The following NREP variants were observed in gnomAD, a reference collection of about 807,000 sequenced individuals.
The protein encoded by NREP is neuronal regeneration-related protein.
Under a neutral mutation model 8.6 loss-of-function variants are expected in NREP, and 5 were observed. The ratio of observed to expected loss-of-function variants is 0.58; its 90% CI spans 0.30 to 1.22. The LOEUF (loss-of-function observed/expected upper bound fraction) is 1.22. Among genes scored for constraint, NREP ranks in the 50% most tolerant of loss-of-function variants. The pLI is 0.07. For missense variants in NREP, 86 were observed against 82.5 expected, an observed-to-expected ratio of 1.04 and a Z score of -0.17; for synonymous variants, 27 against 28.0, an observed-to-expected ratio of 0.96 and a Z score of 0.11.
At chr5:111,905,120 T>G (rs1754748060) in intron 2 of NREP, among the ~76,000 whole-genome samples, 1 of 152,156 alleles carries the variant, frequency 6.6e-6, no homozygotes, top group East Asian at 1.9e-4. Context: ...TTATTTCTCC[T>G]ATATGCCTTT....
At chr5:111,755,913 C>A (rs1045752142) in intron 1 of NREP, 83 bp from the exon 2 acceptor site, 2 of 1,565,674 alleles carry the variant, frequency 1.3e-6, no homozygotes, top group African/African-American at 1.4e-5. Context: ...AGGTTACAGA[C>A]GAATAACCAT....
At chr5:111,943,738 G>A (rs1411243410) in intron 2 of NREP, among the ~76,000 whole-genome samples, 1 of 152,044 alleles carries the variant, frequency 6.6e-6, no homozygotes, top group Non-Finnish European at 1.5e-5. Flanking sequence ...CTTTCTAACT[G>A]GAGGATATAG....
chr5:111,868,591 G>T (rs6421834), intron 2 of NREP, among the ~76,000 whole-genome samples: 150,755 of 152,306 alleles, frequency 0.99, 74,626 homozygotes, highest in East Asian at 1. Context: ...TGATAACAAT[G>T]AGGTGAAGAT....
At chr5:111,901,080 C>CA (rs1165317642) in intron 2 of NREP, among the ~76,000 whole-genome samples, 2 of 152,012 alleles carry the variant, frequency 1.3e-5, no homozygotes, top group Non-Finnish European at 2.9e-5. Context: ...GGAATTTAGC[C>CA]AAGGGATGCA....
chr5:111,859,057 C>A (rs567847610), intron 2 of NREP, among the ~76,000 whole-genome samples: 1 of 152,210 alleles, frequency 6.6e-6, no homozygotes, highest in African/African-American at 2.4e-5. Flanking sequence ...GATCCTGCTG[C>A]CCATGTGCCT....
chr5:111,827,662 C>T (rs571100096), intron 2 of NREP, among the ~76,000 whole-genome samples: 17 of 152,112 alleles, frequency 1.1e-4, no homozygotes, highest in East Asian at 3.9e-4. Flanking sequence ...GCCAACATGG[C>T]GAAACCTTGT....
intron 2 of NREP, among the ~76,000 whole-genome samples, chr5:111,914,323 T>C (rs1245015040): frequency 6.6e-6 from 1 of 152,160 alleles, no homozygotes; most frequent in Non-Finnish European, 1.5e-5. Flanking sequence ...GTACTTTGTG[T>C]TCTTAGCTCC....
At chr5:111,937,878 T>C (rs1468174376) in intron 2 of NREP, among the ~76,000 whole-genome samples, 1 of 152,076 alleles carries the variant, frequency 6.6e-6, no homozygotes, top group African/African-American at 2.4e-5. Context: ...CCTGGTCACC[T>C]GATTCAAAGT....
At chr5:111,899,788 C>A (rs1754599564) in intron 2 of NREP, among the ~76,000 whole-genome samples, 2 of 151,846 alleles carry the variant, frequency 1.3e-5, no homozygotes, top group Admixed American at 1.3e-4. Flanking sequence ...ATATATGCAC[C>A]CAACACTAGA....
rs200213596 is a variant in NREP at position 111,855,245 on chromosome 5, C to T, written c.136-119738G>A. ...GATCTGGAAACAGACTGCCTACCAA[C>T]GCTTATTGGTTTGGGACTTTGATCA... On this transcript the variant is annotated intron_variant, in intron 2 of 3. Transcript: ENST00000395634. 4.6e-5 allele frequency among the ~76,000 whole-genome samples: 7 copies of T among 152,166 alleles called. No homozygotes were observed. The East Asian group carries it at 5.8e-4, about 13-fold the overall frequency.
chr5:111,931,122 C>A (rs1438760467), intron 2 of NREP, among the ~76,000 whole-genome samples: 3 of 151,962 alleles, frequency 2.0e-5, no homozygotes, highest in African/African-American at 7.2e-5. Context: ...TCTTCTTGTG[C>A]CCTTAGTATT....
At chr5:111,897,560 T>C (rs1459569956) in intron 2 of NREP, among the ~76,000 whole-genome samples, 3 of 152,274 alleles carry the variant, frequency 2.0e-5, no homozygotes, top group East Asian at 1.9e-4. Context: ...TTTCTTGGCT[T>C]GTCTCTGTTC....
chr5:111,799,128 T>C (rs796735061), intron 2 of NREP, among the ~76,000 whole-genome samples: 2 of 152,346 alleles, frequency 1.3e-5, no homozygotes, highest in African/African-American at 4.8e-5. Context: ...TTGGTCTATG[T>C]GCCTATTTTT....
At chr5:111,865,485 A>T (rs1753644009) in intron 2 of NREP, among the ~76,000 whole-genome samples, 1 of 152,168 alleles carries the variant, frequency 6.6e-6, no homozygotes, top group South Asian at 2.1e-4. Flanking sequence ...GCAACATGTA[A>T]CACTGAGAGC....
At chr5:111,962,889 T>C (rs1756518460) in intron 2 of NREP, among the ~76,000 whole-genome samples, 1 of 152,176 alleles carries the variant, frequency 6.6e-6, no homozygotes, top group Non-Finnish European at 1.5e-5. Context: ...AGCTCCCCTC[T>C]CCACTGACAG....
intron 2 of NREP, among the ~76,000 whole-genome samples, chr5:111,867,328 C>T (rs963501395): frequency 2.0e-5 from 3 of 152,254 alleles, no homozygotes; most frequent in Admixed American, 2.0e-4. Context: ...CTCTCTTCCT[C>T]TCTTTGCAGA....
Position 111,928,104 on chromosome 5 carries a change from C to T in NREP, c.135+47170G>A, listed in dbSNP as rs559782316. Reference sequence around the variant, plus strand: ...TTGACAGTTGCACCATGGCCCACACCTGCTCCCCGCCACCCTGAGATCATA... The same window carrying T: ...TTGACAGTTGCACCATGGCCCACACTTGCTCCCCGCCACCCTGAGATCATA... On this transcript the variant is annotated intron_variant, in intron 2 of 3. Coordinates refer to the NREP transcript ENST00000395634. Among the ~76,000 whole-genome samples the T allele has an allele frequency of 5.9e-5, 9 of 152,242 alleles. No homozygotes were observed. The East Asian group carries it at 1.4e-3, about 23-fold the overall frequency.
intron 2 of NREP, chr5:111,975,148 A>G: frequency 1.5e-6 from 1 of 665,674 alleles, no homozygotes; most frequent in Non-Finnish European, 2.6e-6. Context: ...ATTAATGGAA[A>G]GGCTTTCACG....
chr5:111,766,437 T>C (rs1481829294), intron 2 of NREP, among the ~76,000 whole-genome samples: 7 of 152,182 alleles, frequency 4.6e-5, no homozygotes, highest in Admixed American at 4.6e-4. Flanking sequence ...GTGAAAGGGT[T>C]GAAAAGAGTT....
Sources: allele counts gnomAD v4.1 joint callset (sites outside exome capture counted in the v4.1 genomes callset), GRCh38; gene constraint gnomAD v4.1.1; transcripts MANE v1.5; gene names NCBI Gene and HGNC (gene_info 2026-07-23, HGNC 2026-07-21).